The following PPIA variants were observed in gnomAD, a reference collection of about 807,000 sequenced individuals.
PPIA encodes peptidyl-prolyl cis-trans isomerase A.
Under a neutral mutation model 15.3 loss-of-function variants are expected in PPIA, and 2 were observed. The ratio of observed to expected loss-of-function variants is 0.13; its 90% CI spans 0.05 to 0.41. The LOEUF is 0.41. Among genes scored for constraint, PPIA ranks in the 10% least tolerant of loss-of-function variants. PPIA has a pLI of 0.99. For synonymous variants in PPIA, 67 were observed against 73.1 expected, an observed-to-expected ratio of 0.92 and a Z score of 0.43; for missense variants, 103 against 210.3, an observed-to-expected ratio of 0.49 and a Z score of 3.16.
chr7:44,800,894 T>G (rs1022591881), intron 4 of PPIA, among the ~76,000 whole-genome samples: 1 of 152,128 alleles, frequency 6.6e-6, no homozygotes, highest in African/African-American at 2.4e-5. Flanking sequence ...CTCGGCTCAC[T>G]GCAAGCTCCG....
chr7:44,799,895 A>T, intron 4 of PPIA, 21 bp downstream of exon 4: 1 of 1,604,552 alleles, frequency 6.2e-7, no homozygotes, highest in African/African-American at 1.3e-5. Context: ...AACATGGCAC[A>T]CTAACCACCT....
At chr7:44,798,728 AT>A (rs1378361787) in intron 1 of PPIA, 3 of 985,822 alleles carry the variant, frequency 3.0e-6, no homozygotes, top group African/African-American at 1.7e-5. Flanking sequence ...ACCAATCTTT[AT>A]TTTTTACCCC....
intron 4 of PPIA, 42 bp from the exon 5 acceptor site, chr7:44,801,245 G>A (rs370127342): frequency 1.2e-6 from 2 of 1,605,330 alleles, no homozygotes; most frequent in Non-Finnish European, 1.7e-6. Context: ...GAGGCTGCTT[G>A]TTTGTGGTTG....
intron 1 of PPIA, among the ~76,000 whole-genome samples, chr7:44,797,746 TC>T (rs1792424661): frequency 6.6e-6 from 1 of 152,238 alleles, no homozygotes; most frequent in Non-Finnish European, 1.5e-5. Context: ...TGAGTACGAT[TC>T]CGTTCCAGTT....
intron 2 of PPIA, 50 bp downstream of exon 2, chr7:44,799,327 G>GTT (rs1432082716): frequency 6.5e-7 from 1 of 1,531,010 alleles, no homozygotes; most frequent in African/African-American, 1.4e-5. Context: ...GTGACAGTTT[G>GTT]TGTGTGTGTG....
chr7:44,799,082 G>T (rs1403051158), intron 1 of PPIA, 165 bp from the exon 2 acceptor site: 1 of 1,052,580 alleles, frequency 9.5e-7, no homozygotes, highest in Non-Finnish European at 1.3e-6. Flanking sequence ...TAACCCAACT[G>T]CCTGCAGGGC....
At position 44,799,893 on chromosome 7, in the gene PPIA, AC is replaced by A. The variant is rs776784820; in HGVS notation, c.362+20del. 1 of 1,605,370 alleles carries A rather than the reference AC, an allele frequency of 6.2e-7. No homozygotes were observed. The highest frequency in any genetic ancestry group is 1.1e-5 in the South Asian group (1 of 91,062). On this transcript the variant is annotated intron_variant, in intron 4 of 4. Coordinates refer to ENST00000468812, the MANE Select transcript of PPIA (RefSeq NM_021130.5). Reference sequence around the variant, plus strand: ...CTGAGTGGTAAGGGTACAACATGGCACACTAACCACCTGACTAAATGAAAAG... The same window carrying A: ...CTGAGTGGTAAGGGTACAACATGGCAACTAACCACCTGACTAAATGAAAAG...
Position 44,802,174 on chromosome 7 carries a change from T to TTCC in PPIA, c.*753_*754insCCT. The TTCC allele has an allele frequency of 9.9e-5, 1 of 10,100 alleles. No individual in the cohort carries two copies. The highest frequency in any genetic ancestry group is 7.0e-4 in the Non-Finnish European group (1 of 1,422). 0.6% of individuals were successfully genotyped at this position (10,100 alleles called of 1,614,324 possible). A position where few individuals can be genotyped will look rare whatever the true frequency, so the allele number is the denominator to read the frequency against. On this transcript the variant is annotated 3_prime_UTR_variant, in exon 5 of 5. Transcript: ENST00000468812. ...TCAAAAATTGAGACATCTGTTGCGG[T>TTCC]TTTTTTTTTTTTTTTTTCCCCTGGA...
At chr7:44,797,852 A>T (rs1303473890) in intron 1 of PPIA, 3 of 152,136 alleles carry the variant, frequency 2.0e-5, no homozygotes, top group Non-Finnish European at 4.4e-5. Context: ...CTAGTTTGGG[A>T]TCTTATTCCG....
At chr7:44,797,339 A>G (rs1370109029) in intron 1 of PPIA, among the ~76,000 whole-genome samples, 1 of 152,182 alleles carries the variant, frequency 6.6e-6, no homozygotes, top group Non-Finnish European at 1.5e-5. Context: ...CCGGGAGGCC[A>G]TGTTATAAAA....
In PPIA at chr7:44,801,646, AAG is replaced by A. The variant is rs8177830; in HGVS notation, c.*227_*228del. 322,851 of 457,452 alleles carry A rather than the reference AAG, an allele frequency of 0.71. 123,887 individuals carry two copies. Among genetic ancestry groups the A allele is most frequent in the Non-Finnish European group, 0.83 (209,748 of 253,954 alleles). 28.3% of individuals were successfully genotyped at this position (457,452 alleles called of 1,614,324 possible). On this transcript the variant is annotated 3_prime_UTR_variant, in exon 5 of 5. Transcript: ENST00000468812. ...AATAACAATTGTCCTCGTTTGAGTT[AAG>A]AGTGTTGATGTAGGCTTTATTTTAA...
chr7:44,798,638 A>G, intron 1 of PPIA: 5 of 671,544 alleles, frequency 7.4e-6, no homozygotes, highest in Non-Finnish European at 9.2e-6. Flanking sequence ...GGGCTTGTAA[A>G]TGTTTATGGT....
At chr7:44,799,908 C>T (rs1792494596) in intron 4 of PPIA, 34 bp downstream of exon 4, 1 of 1,597,874 alleles carries the variant, frequency 6.3e-7, no homozygotes, top group Non-Finnish European at 8.5e-7. Flanking sequence ...AACCACCTGA[C>T]TAAATGAAAA....
At chr7:44,800,120 T>G in intron 4 of PPIA, 2 of 499,580 alleles carry the variant, frequency 4.0e-6, no homozygotes, top group Non-Finnish European at 3.6e-6. Flanking sequence ...GATGGAGTTT[T>G]GCTCTGTTGC....
chr7:44,799,530 G>T, intron 3 of PPIA, 50 bp downstream of exon 3: 1 of 1,592,676 alleles, frequency 6.3e-7, no homozygotes, highest in African/African-American at 1.3e-5. Context: ...CCTTCATTTG[G>T]GATTGAGCCA....
intron 1 of PPIA, among the ~76,000 whole-genome samples, chr7:44,797,203 TC>T (rs1242582874): frequency 1.2e-4 from 18 of 152,296 alleles, no homozygotes; most frequent in Non-Finnish European, 2.2e-4. Context: ...GCGACCGCCT[TC>T]CTGGGAAGCT....
intron 4 of PPIA, 86 bp from the exon 5 acceptor site, chr7:44,801,201 A>G (rs1792549417): frequency 1.4e-6 from 2 of 1,411,530 alleles, no homozygotes; most frequent in Non-Finnish European, 1.9e-6. Context: ...AAAAAAAAAA[A>G]AGCTACCTTT....
rs750733546 is a variant in PPIA, at chr7:44,801,264, A to G, written c.363-23A>G. On this transcript the variant is annotated intron_variant, in intron 4 of 4. Coordinates refer to ENST00000468812, the MANE Select transcript of PPIA (RefSeq NM_021130.5). ...CTGCTTGTTTGTGGTTGCCAGTCAT[A>G]GTGATTGTTCTTCCTTTTCAAGGTT... is the stretch of plus-strand genomic sequence containing the variant. 5 of 1,611,332 alleles carry G rather than the reference A, an allele frequency of 3.1e-6. No individual in the cohort carries two copies. In the Admixed American group the frequency reaches 5.0e-5, roughly 16 times the overall value.
At chr7:44,796,931 T>C (rs1792385810) in intron 1 of PPIA, 138 bp downstream of exon 1, 1 of 958,344 alleles carries the variant, frequency 1.0e-6, no homozygotes, top group East Asian at 3.2e-5. Context: ...CGCCATTTCC[T>C]GACGAGGGGC....
Sources: allele counts gnomAD v4.1 joint callset (sites outside exome capture counted in the v4.1 genomes callset), GRCh38; gene constraint gnomAD v4.1.1; transcripts MANE v1.5; gene names NCBI Gene and HGNC (gene_info 2026-07-23, HGNC 2026-07-21).